Variants in NTM observed in about 807,000 individuals in gnomAD.
NTM encodes the protein IgLON family member 2.
Under a neutral mutation model 42.1 loss-of-function variants are expected in NTM, and 13 were observed. That is an observed-to-expected ratio of 0.31 (90% CI 0.20 to 0.49). The LOEUF (loss-of-function observed/expected upper bound fraction) is 0.49. Ranked by LOEUF, NTM falls within the 20% of genes least tolerant of loss-of-function variation. NTM has a pLI of 0.99. For missense variants in NTM, 373 were observed against 452.8 expected (o/e 0.82, Z 1.60); for synonymous variants, 187 against 179.2 (o/e 1.04, Z -0.35).
At position 132,003,219 on chromosome 11, in the gene NTM, T is replaced by C. The variant is rs1045529344; in HGVS notation, c.167+91571T>C. ...CAGAAACACCTGGAGGCTTGTTGAA[T>C]CCGGATTCCTCCACCCACACCCTTA... On this transcript the variant is annotated intron_variant, in intron 2 of 8. Coordinates refer to ENST00000683400, the MANE Select transcript of NTM (RefSeq NM_001352005.2). This position sits in a 1 kb window ranked among gnomAD's most constrained non-coding sequence, Gnocchi z 6.0. Among the ~76,000 whole-genome samples, 1 of 151,540 alleles carries C rather than the reference T, an allele frequency of 6.6e-6. No individual in the cohort carries two copies. The highest frequency in any genetic ancestry group is 3.2e-3 in the Middle Eastern group (1 of 316).
intron 1 of NTM, among the ~76,000 whole-genome samples, chr11:131,687,590 AG>A (rs1295842937): frequency 6.6e-6 from 1 of 151,268 alleles, no homozygotes; most frequent in Non-Finnish European, 1.5e-5. Context: ...GTGGCTGCCG[AG>A]TGGGGCAGCC....
chr11:131,759,668 G>T (rs536185359), intron 1 of NTM, among the ~76,000 whole-genome samples: 4 of 150,958 alleles, frequency 2.6e-5, no homozygotes, highest in Admixed American at 6.6e-5. Context: ...AAGTGCTCAA[G>T]ATTTTTTTTT....
At chr11:131,611,305 G>T (rs1444202482) in intron 1 of NTM, among the ~76,000 whole-genome samples, 1 of 152,206 alleles carries the variant, frequency 6.6e-6, no homozygotes, top group African/African-American at 2.4e-5. Context: ...CCTAGGATAG[G>T]AAGGTAGAGA....
In NTM at chr11:131,411,540, C is replaced by CGTGTGT. The variant is rs5795724; in HGVS notation, c.82+40695_82+40700dup. ...GCCTCCTGAAGTATTTAGGGGGGGC[C>CGTGTGT]GTGTGTGTGTGTGTGTGTGTGTGTG... is the stretch of plus-strand genomic sequence containing the variant. On this transcript the variant is annotated intron_variant, in intron 1 of 8. Coordinates refer to ENST00000683400, the MANE Select transcript of NTM (RefSeq NM_001352005.2). Among the ~76,000 whole-genome samples the CGTGTGT allele has an allele frequency of 3.7e-3, 476 of 129,754 alleles. 8 individuals carry two copies. Among genetic ancestry groups the CGTGTGT allele is most frequent in the East Asian group, 0.02 (80 of 4,038 alleles). The allele number at this position is 129,754 out of a possible 152,430, so 85.1% of individuals were successfully genotyped here.
intron 4 of NTM, among the ~76,000 whole-genome samples, chr11:132,301,507 G>A (rs2094855422): frequency 6.6e-6 from 1 of 152,200 alleles, no homozygotes; most frequent in Non-Finnish European, 1.5e-5. Flanking sequence ...TGGTATTGAG[G>A]AAGAGGAGTC....
intron 1 of NTM, among the ~76,000 whole-genome samples, chr11:131,449,273 G>A (rs1055791619): frequency 6.6e-6 from 1 of 152,228 alleles, no homozygotes; most frequent in African/African-American, 2.4e-5. Flanking sequence ...GCGGGCATGG[G>A]TGAGAGGAAC....
chr11:131,385,578 C>A (rs1055794722), intron 1 of NTM, among the ~76,000 whole-genome samples: 10 of 152,146 alleles, frequency 6.6e-5, no homozygotes, highest in African/African-American at 2.4e-4. Flanking sequence ...ACAGGCTGGG[C>A]TCAGTGGTTC....
chr11:131,859,760 G>A (rs1050632765), intron 1 of NTM, among the ~76,000 whole-genome samples: 7 of 152,262 alleles, frequency 4.6e-5, no homozygotes, highest in Middle Eastern at 6.8e-3. Flanking sequence ...CTGGTTTAAC[G>A]GAAGTGCTCT....
chr11:131,758,799 C>T (rs1182451261), intron 1 of NTM, among the ~76,000 whole-genome samples: 3 of 152,040 alleles, frequency 2.0e-5, no homozygotes, highest in Admixed American at 6.5e-5. Context: ...ACCATGTTGG[C>T]CAGGCTGGTC....
intron 1 of NTM, among the ~76,000 whole-genome samples, chr11:131,801,207 T>A (rs1350096371): frequency 6.6e-6 from 1 of 152,212 alleles, no homozygotes; most frequent in Non-Finnish European, 1.5e-5. Context: ...GAATGTTTTT[T>A]TCTGAAGTTC....
At chr11:131,762,814 C>T (rs1229039539) in intron 1 of NTM, among the ~76,000 whole-genome samples, 1 of 152,128 alleles carries the variant, frequency 6.6e-6, no homozygotes, top group Non-Finnish European at 1.5e-5. Flanking sequence ...CTGAGAGCTT[C>T]CTTGAAATGT....
chr11:131,406,419 T>C lies in NTM; in HGVS notation c.82+35531T>C, dbSNP rs369940516. On this transcript the variant is annotated intron_variant, in intron 1 of 8. Transcript: ENST00000683400. Reference sequence around the variant, plus strand: ...GGATTTTAAGAATATATTGAAACAATTTACACAAACAAATATCTTGCCACA... The same window carrying C: ...GGATTTTAAGAATATATTGAAACAACTTACACAAACAAATATCTTGCCACA... Among the ~76,000 whole-genome samples, 33 of 152,240 alleles carry C rather than the reference T, an allele frequency of 2.2e-4. 1 individual carries two copies. The East Asian group carries it at 5.4e-3, about 25-fold the overall frequency.
At chr11:132,184,612 G>T (rs929010253) in intron 3 of NTM, among the ~76,000 whole-genome samples, 1 of 152,118 alleles carries the variant, frequency 6.6e-6, no homozygotes, top group Non-Finnish European at 1.5e-5. Context: ...CTGAAGCCTG[G>T]CTCTTCCCTC....
At chr11:131,531,563 A>G (rs2051281344) in intron 1 of NTM, among the ~76,000 whole-genome samples, 1 of 152,238 alleles carries the variant, frequency 6.6e-6, no homozygotes, top group African/African-American at 2.4e-5. Context: ...CTCTTTCACT[A>G]TTGCAATTGT....
At chr11:132,019,187 T>A (rs2073938124) in intron 2 of NTM, among the ~76,000 whole-genome samples, 2 of 152,164 alleles carry the variant, frequency 1.3e-5, no homozygotes, top group South Asian at 4.1e-4. Context: ...CATTATTATA[T>A]CACTTGTTCT....
intron 1 of NTM, among the ~76,000 whole-genome samples, chr11:131,859,899 G>T (rs1404506685): frequency 6.6e-6 from 1 of 151,746 alleles, no homozygotes. Flanking sequence ...ACTATTAAAG[G>T]TTGTTCTTAT....
intron 1 of NTM, among the ~76,000 whole-genome samples, chr11:131,560,591 C>T (rs2056100911): frequency 6.6e-6 from 1 of 152,166 alleles, no homozygotes; most frequent in Non-Finnish European, 1.5e-5. Flanking sequence ...CTGACTCCTC[C>T]CTTCCTCCTT....
At position 131,746,553 on chromosome 11, in the gene NTM, A is replaced by G. The variant is rs76681484; in HGVS notation, c.83-165011A>G. On this transcript the variant is annotated intron_variant, in intron 1 of 8. Coordinates refer to ENST00000683400, the MANE Select transcript of NTM (RefSeq NM_001352005.2). ...CTTGATCCTTACGGTATAATTTTCC[A>G]GATCAAGATAAGCATTAAGCATGTT... is the stretch of plus-strand genomic sequence containing the variant. 3.7e-4 allele frequency among the ~76,000 whole-genome samples: 56 copies of G among 152,314 alleles called. No individual in the cohort carries two copies. The East Asian group carries it at 9.8e-3, about 27-fold the overall frequency.
chr11:132,095,489 A>G (rs1298731157), intron 2 of NTM, among the ~76,000 whole-genome samples: 1 of 152,182 alleles, frequency 6.6e-6, no homozygotes, highest in Non-Finnish European at 1.5e-5. Context: ...GAAGGCATAG[A>G]GAGAAACAGA....
Sources: gnomAD v4.1 joint callset for allele counts (sites outside exome capture counted in the v4.1 genomes callset) on GRCh38, gnomAD v4.1.1 for gene constraint, Gnocchi (gnomAD v3.1) non-coding constraint, MANE v1.5 for transcripts, NCBI Gene and HGNC (gene_info 2026-07-23, HGNC 2026-07-21) for gene names.